CATSPER3: variants seen among roughly 807,000 people sequenced by gnomAD.
The protein encoded by CATSPER3 is cation channel sperm associated 3.
In CATSPER3, 23 loss-of-function variants were observed where a neutral mutation model predicts 36.6. The observed-to-expected ratio is 0.63, with a 90% CI of 0.45 to 0.89. The LOEUF (loss-of-function observed/expected upper bound fraction) is 0.89. CATSPER3 is among the 40% of genes least tolerant of loss of function. The pLI, the probability that CATSPER3 is intolerant of heterozygous loss-of-function variation, is 0.00. For synonymous variants in CATSPER3, 172 were observed against 184.1 expected (o/e 0.93, Z 0.53); for missense variants, 474 against 503.9 (o/e 0.94, Z 0.57).
At chr5:135,010,015 C>A (rs1752159205) in intron 6 of CATSPER3, among the ~76,000 whole-genome samples, 1 of 152,210 alleles carries the variant, frequency 6.6e-6, no homozygotes, top group African/African-American at 2.4e-5. Flanking sequence ...GCCTCCCATG[C>A]TGAGCTTTGG....
intron 2 of CATSPER3, among the ~76,000 whole-genome samples, chr5:134,987,820 G>GA (rs1336944189): frequency 2.0e-5 from 3 of 152,150 alleles, no homozygotes; most frequent in African/African-American, 7.2e-5. Flanking sequence ...GGGCATTTAT[G>GA]AAAAAACCCA....
At chr5:135,003,188 G>T (rs1457511146) in intron 3 of CATSPER3, among the ~76,000 whole-genome samples, 1 of 152,218 alleles carries the variant, frequency 6.6e-6, no homozygotes, top group Non-Finnish European at 1.5e-5. Context: ...ACCCTCAGCT[G>T]CAGATCTGTT....
Position 135,010,316 on chromosome 5 carries a change from G to A in CATSPER3, c.937-57G>A, listed in dbSNP as rs537647871. ...CATCCTGGAGAGTCTCCATGTCTCT[G>A]TGCAGCTCGGCTGTCACCTCCTCAT... On this transcript the variant is annotated intron_variant, in intron 6 of 7. Transcript: ENST00000282611. The A allele has an allele frequency of 4.0e-6, 6 of 1,482,124 alleles. No individual in the cohort carries two copies. In the African/African-American group the frequency reaches 8.3e-5, roughly 20 times the overall value. 91.8% of individuals were successfully genotyped at this position (1,482,124 alleles called of 1,614,324 possible).
chr5:134,982,517 A>G (rs949051919), intron 2 of CATSPER3, among the ~76,000 whole-genome samples: 3 of 152,218 alleles, frequency 2.0e-5, no homozygotes, highest in African/African-American at 7.2e-5. Context: ...CTCAGAAACT[A>G]TGGAGGCCAA....
chr5:134,980,038 G>A (rs1449801745), intron 2 of CATSPER3, among the ~76,000 whole-genome samples: 7 of 149,910 alleles, frequency 4.7e-5, no homozygotes, highest in African/African-American at 1.7e-4. Context: ...CTAGAGTGAA[G>A]TGACATGATC....
intron 3 of CATSPER3, among the ~76,000 whole-genome samples, chr5:134,998,331 C>T (rs183793402): frequency 1.9e-4 from 29 of 152,250 alleles, no homozygotes; most frequent in Non-Finnish European, 3.4e-4. Flanking sequence ...GATGGGCATT[C>T]GGGTTGGTTC....
At chr5:134,977,069 C>T (rs1238846962) in intron 2 of CATSPER3, among the ~76,000 whole-genome samples, 2 of 152,220 alleles carry the variant, frequency 1.3e-5, no homozygotes, top group African/African-American at 4.8e-5. Flanking sequence ...GAAATGCCTT[C>T]AGGGCCTTTT....
chr5:135,009,256 G>A, intron 5 of CATSPER3, 115 bp from the exon 6 acceptor site: 1 of 1,174,082 alleles, frequency 8.5e-7, no homozygotes, highest in South Asian at 1.2e-5. Flanking sequence ...CCCTGTGTGG[G>A]GAAAAGTGCT....
chr5:134,972,036 A>AT (rs1409648057), intron 2 of CATSPER3, among the ~76,000 whole-genome samples: 1 of 152,214 alleles, frequency 6.6e-6, no homozygotes, highest in Non-Finnish European at 1.5e-5. Flanking sequence ...AAGGGTTGAG[A>AT]TAAAGTCTCA....
intron 2 of CATSPER3, among the ~76,000 whole-genome samples, chr5:134,975,940 T>C (rs1338073201): frequency 6.6e-6 from 1 of 152,230 alleles, no homozygotes. Context: ...ACTATTCATA[T>C]GTAACAAAGG....
chr5:134,974,644 A>G (rs1259532741), intron 2 of CATSPER3, among the ~76,000 whole-genome samples: 1 of 152,194 alleles, frequency 6.6e-6, no homozygotes, highest in Non-Finnish European at 1.5e-5. Flanking sequence ...TATCTTTAGG[A>G]TAAATAACAC....
chr5:135,001,828 C>T (rs1325352316), intron 3 of CATSPER3, among the ~76,000 whole-genome samples: 3 of 152,166 alleles, frequency 2.0e-5, no homozygotes, highest in South Asian at 2.1e-4. Context: ...GATTTTCCTC[C>T]ATCCCTTTAT....
intron 1 of CATSPER3, chr5:134,969,698 A>G: frequency 1.9e-6 from 1 of 528,312 alleles, no homozygotes; most frequent in East Asian, 3.4e-5. Context: ...AGTGGTGACC[A>G]TTCTTTTTCA....
At chr5:135,003,674 C>G (rs1019036275) in intron 3 of CATSPER3, among the ~76,000 whole-genome samples, 1 of 152,254 alleles carries the variant, frequency 6.6e-6, no homozygotes, top group Admixed American at 6.5e-5. Flanking sequence ...CCCGCAGCCT[C>G]GCTGCTGCCT....
intron 2 of CATSPER3, among the ~76,000 whole-genome samples, chr5:134,988,065 A>G (rs1751832670): frequency 6.6e-6 from 1 of 152,244 alleles, no homozygotes; most frequent in African/African-American, 2.4e-5. Flanking sequence ...AGTGAGTCAC[A>G]TGAATTTTTT....
intron 2 of CATSPER3, among the ~76,000 whole-genome samples, chr5:134,972,562 T>A (rs1751620053): frequency 6.6e-6 from 1 of 152,144 alleles, no homozygotes; most frequent in African/African-American, 2.4e-5. Context: ...AGTATAGGAT[T>A]AAATGTAGGA....
intron 2 of CATSPER3, among the ~76,000 whole-genome samples, chr5:134,993,185 G>T (rs1385851401): frequency 6.6e-6 from 1 of 152,160 alleles, no homozygotes; most frequent in Non-Finnish European, 1.5e-5. Flanking sequence ...AACATTCCAT[G>T]AAGTGAAAAA....
At position 134,968,084 on chromosome 5, in the gene CATSPER3, A is replaced by G. The variant is rs1465099760; in HGVS notation, c.93A>G (p.Lys31=). The G allele has an allele frequency of 6.3e-7, 1 of 1,599,122 alleles. No individual in the cohort carries two copies. Among genetic ancestry groups the G allele is most frequent in the Admixed American group, 1.7e-5 (1 of 60,006 alleles). Residue 31 remains lysine (K), a synonymous_variant, in exon 1 of 8, where the codon AAA becomes AAG. Transcript: ENST00000282611. ...TGGGATTTTGCCCAACATTCAAGAA[A>G]TTTAAGTAAATATTATCTATCTCCA... ...TSVGFCPTFK[K]FKRNDDECRA...
Position 135,009,399 on chromosome 5 carries a change from T to A in CATSPER3, c.845T>A (p.Leu282Gln), listed in dbSNP as rs375830682. Residue 282 changes from leucine (L) to glutamine (Q), a missense_variant, in exon 6 of 8, where the codon CTG becomes CAG. By Grantham distance (113) the Leu-to-Gln change is moderately radical (BLOSUM62 -2). Transcript: ENST00000282611. Reference sequence around the variant, plus strand: ...TCCATCAGAAAGTTTGAGCGAGAGCTGATGTTGGAGCAGCAGGAGATGCTC... The same window carrying A: ...TCCATCAGAAAGTTTGAGCGAGAGCAGATGTTGGAGCAGCAGGAGATGCTC... The part of the protein sequence containing the change: ...EDSIRKFERE[L>Q]MLEQQEMLMG... The A allele has an allele frequency of 1.2e-6, 2 of 1,613,220 alleles. No homozygotes were observed. The highest frequency in any genetic ancestry group is 1.7e-6 in the Non-Finnish European group (2 of 1,179,622).
Sources: gnomAD v4.1 joint callset for allele counts (sites outside exome capture counted in the v4.1 genomes callset) on GRCh38, gnomAD v4.1.1 for gene constraint, MANE v1.5 for transcripts, NCBI Gene and HGNC (gene_info 2026-07-23, HGNC 2026-07-21) for gene names.